Variants in EPN2 observed in about 807,000 individuals in gnomAD.
The protein encoded by EPN2 is epsin-2.
Under a neutral mutation model 61.7 loss-of-function variants are expected in EPN2, and 34 were observed. That is an observed-to-expected ratio of 0.55 (90% CI 0.42 to 0.73). The LOEUF (loss-of-function observed/expected upper bound fraction) is 0.73, where lower values mean the gene tolerates loss of function less well. EPN2 is among the 30% of genes least tolerant of loss of function. The pLI is 0.00. For missense variants in EPN2, 714 were observed against 839.2 expected, an observed-to-expected ratio of 0.85 and a Z score of 1.84; for synonymous variants, 349 against 353.6, an observed-to-expected ratio of 0.99 and a Z score of 0.15.
chr17:19,238,188 G>T (rs1414948746), intron 1 of EPN2, among the ~76,000 whole-genome samples: 1 of 152,152 alleles, frequency 6.6e-6, no homozygotes, highest in African/African-American at 2.4e-5. Context: ...CTTTTGTTCC[G>T]CGTGGGATGG....
At chr17:19,282,393 G>A (rs755380222) in intron 2 of EPN2, 1 of 152,190 alleles carries the variant, frequency 6.6e-6, no homozygotes, top group Non-Finnish European at 1.5e-5. Context: ...AGTTTTGAAG[G>A]TATTGACAGG....
intron 5 of EPN2, among the ~76,000 whole-genome samples, chr17:19,311,621 C>T (rs1906142659): frequency 6.6e-6 from 1 of 152,056 alleles, no homozygotes; most frequent in South Asian, 2.1e-4. Context: ...AGCCATTTTC[C>T]GGAAGCATAC....
intron 1 of EPN2, among the ~76,000 whole-genome samples, chr17:19,263,210 T>A (rs1272452672): frequency 6.6e-6 from 1 of 152,232 alleles, no homozygotes; most frequent in Non-Finnish European, 1.5e-5. Context: ...TGCCGTGCCA[T>A]GGCTGACTTC....
chr17:19,307,854 TC>T (rs1233773057), intron 4 of EPN2: 1 of 961,504 alleles, frequency 1.0e-6, no homozygotes, highest in African/African-American at 1.8e-5. Context: ...TTAGGCCTCT[TC>T]CCCTGTTTTA....
At chr17:19,329,460 G>T in intron 8 of EPN2, 101 bp from the exon 9 acceptor site, 1 of 679,272 alleles carries the variant, frequency 1.5e-6, no homozygotes, top group South Asian at 2.1e-5. Flanking sequence ...AGCGGGGAGA[G>T]GCCCCTGTTG....
At position 19,283,339 on chromosome 17, in the gene EPN2, G is replaced by T; in HGVS notation, c.220G>T (p.Val74Leu). The T allele has an allele frequency of 6.2e-7, 1 of 1,614,208 alleles. No individual in the cohort carries two copies. Among genetic ancestry groups the T allele is most frequent in the Non-Finnish European group, 8.5e-7 (1 of 1,180,028 alleles). ...LNDHGKNWRHVYKALTLLDYL... is the reference protein window; with the variant it reads ...LNDHGKNWRHLYKALTLLDYL... ...TGACCATGGCAAGAACTGGCGGCAT[G>T]TGTACAAGGCGCTGACCCTGCTGGA... Residue 74 changes from valine (V) to leucine (L), a missense_variant, in exon 3 of 11, where the codon GTG becomes TTG. Transcript: ENST00000314728. This position sits in a 1 kb window ranked among gnomAD's most constrained non-coding sequence, Gnocchi z 7.0.
In EPN2 at chr17:19,334,273, A is replaced by G. The variant is rs377601015; in HGVS notation, c.*19A>G. ...TCTCTAGTGCCTGGGCCTGGGACCC[A>G]CCCAGAGCACCTGTGCTGGAGGATG... is the stretch of plus-strand genomic sequence containing the variant. On this transcript the variant is annotated 3_prime_UTR_variant, in exon 11 of 11. Transcript: ENST00000314728. This position sits in a 1 kb window ranked among gnomAD's most constrained non-coding sequence, Gnocchi z 4.9. 10 of 1,421,816 alleles carry G rather than the reference A, an allele frequency of 7.0e-6. No homozygotes were observed. Among genetic ancestry groups the G allele is most frequent in the South Asian group, 3.3e-5 (2 of 60,244 alleles). 88.1% of individuals were successfully genotyped at this position (1,421,816 alleles called of 1,614,324 possible).
At chr17:19,263,172 G>A (rs1471065953) in intron 1 of EPN2, among the ~76,000 whole-genome samples, 1 of 152,202 alleles carries the variant, frequency 6.6e-6, no homozygotes, top group Non-Finnish European at 1.5e-5. Flanking sequence ...AGCAGAGAGT[G>A]ACACACATCA....
intron 7 of EPN2, among the ~76,000 whole-genome samples, chr17:19,323,514 AC>A (rs1262793544): frequency 6.6e-6 from 1 of 152,236 alleles, no homozygotes; most frequent in Non-Finnish European, 1.5e-5. Context: ...TCATCAGGAA[AC>A]TGCAGAACAC....
chr17:19,271,669 C>T (rs1355085551), intron 1 of EPN2: 1 of 152,276 alleles, frequency 6.6e-6, no homozygotes, highest in African/African-American at 2.4e-5. Context: ...AGAAATCTAC[C>T]GTGTTCCTCT....
intron 4 of EPN2, among the ~76,000 whole-genome samples, chr17:19,309,007 C>CATGTGTGG (rs1451348612): frequency 6.6e-6 from 1 of 152,022 alleles, no homozygotes; most frequent in South Asian, 2.1e-4. Flanking sequence ...AAAGTGTCTG[C>CATGTGTGG]ATTTTTATCT....
intron 4 of EPN2, among the ~76,000 whole-genome samples, chr17:19,295,825 G>A (rs771586652): frequency 3.9e-5 from 6 of 152,096 alleles, no homozygotes; most frequent in Non-Finnish European, 5.9e-5. Context: ...CCCAGGTGCC[G>A]CGGTGGCACT....
At chr17:19,309,861 T>G in intron 4 of EPN2, 24 bp from the exon 5 acceptor site, 1 of 1,589,952 alleles carries the variant, frequency 6.3e-7, no homozygotes, top group Non-Finnish European at 8.6e-7. Flanking sequence ...CTTTTGCATA[T>G]GATGACTTGG....
At chr17:19,289,083 T>G (rs958563862) in intron 4 of EPN2, among the ~76,000 whole-genome samples, 5 of 136,060 alleles carry the variant, frequency 3.7e-5, no homozygotes, top group African/African-American at 1.4e-4. Flanking sequence ...TGTTTTTTTT[T>G]TTTTTTTTTT....
At chr17:19,248,685 A>T (rs547541939) in intron 1 of EPN2, among the ~76,000 whole-genome samples, 1 of 152,340 alleles carries the variant, frequency 6.6e-6, no homozygotes, top group South Asian at 2.1e-4. Context: ...CTTATTGAGC[A>T]CATATGTATT....
At chr17:19,319,195 CA>C (rs1361070069) in intron 7 of EPN2, among the ~76,000 whole-genome samples, 47 of 138,946 alleles carry the variant, frequency 3.4e-4, no homozygotes, top group Admixed American at 2.9e-4. Flanking sequence ...GACCCTGTCT[CA>C]AAAAAAAAAA....
intron 4 of EPN2, among the ~76,000 whole-genome samples, chr17:19,286,080 A>T (rs1367559527): frequency 6.6e-6 from 1 of 152,194 alleles, no homozygotes; most frequent in African/African-American, 2.4e-5. Flanking sequence ...CCATGCTCCC[A>T]TTCCCTGACA....
chr17:19,296,928 T>C (rs985665923), intron 4 of EPN2: 2 of 152,244 alleles, frequency 1.3e-5, no homozygotes, highest in East Asian at 3.8e-4. Flanking sequence ...TGTAGTTCCT[T>C]CTGGACTTTT....
chr17:19,329,291 C>T (rs1907049377), intron 8 of EPN2: 2 of 470,568 alleles, frequency 4.3e-6, no homozygotes, highest in African/African-American at 2.0e-5. Flanking sequence ...GCCAGCACCC[C>T]TTTGCCTTTT....
Sources: allele counts gnomAD v4.1 joint callset (sites outside exome capture counted in the v4.1 genomes callset), GRCh38; gene constraint gnomAD v4.1.1; non-coding constraint Gnocchi (gnomAD v3.1); transcripts MANE v1.5; gene names NCBI Gene and HGNC (gene_info 2026-07-23, HGNC 2026-07-21).